KLF8: variants seen among roughly 807,000 people sequenced by gnomAD.
KLF8 encodes Krueppel-like factor 8.
Under a neutral mutation model 18.2 loss-of-function variants are expected in KLF8, and 10 were observed. That is an observed-to-expected ratio of 0.55 (90% confidence interval 0.34 to 0.93). The LOEUF is 0.93. Among genes scored for constraint, KLF8 ranks in the 40% least tolerant of loss-of-function variants. The pLI, the probability that KLF8 is intolerant of heterozygous loss-of-function variation, is 0.02. For synonymous variants in KLF8, 109 were observed against 97.3 expected (o/e 1.12, Z -0.71); for missense variants, 264 against 277.9 (o/e 0.95, Z 0.36).
the KLF8 span, among the ~76,000 whole-genome samples, chrX:56,090,600 C>T: frequency 9.0e-6 from 1 of 111,384 alleles, no homozygotes; most frequent in African/African-American, 3.3e-5. Context: ...TACCTGTTGG[C>T]CATAGTATGT....
chrX:56,119,860 T>C, the KLF8 span, among the ~76,000 whole-genome samples: 7 of 108,156 alleles, frequency 6.5e-5, no homozygotes, highest in African/African-American at 2.4e-4. Flanking sequence ...AGTTTAGGTC[T>C]GGATCTGCAT....
At chrX:56,053,993 A>G in the KLF8 span, among the ~76,000 whole-genome samples, 1 of 110,132 alleles carries the variant, frequency 9.1e-6, no homozygotes, top group Non-Finnish European at 1.9e-5. Context: ...TCATATCTCT[A>G]TCTTCTTTTC....
chrX:56,119,470 C>G, the KLF8 span, among the ~76,000 whole-genome samples: 1 of 110,890 alleles, frequency 9.0e-6, no homozygotes, highest in East Asian at 2.9e-4. Flanking sequence ...GTGGCGTGAT[C>G]TTGGCTCATT....
chrX:55,968,836 G>T, the KLF8 span, among the ~76,000 whole-genome samples: 1 of 111,607 alleles, frequency 9.0e-6, no homozygotes, highest in Non-Finnish European at 1.9e-5. Flanking sequence ...TCTTTATTAG[G>T]AGCATGAAAA....
At chrX:56,191,173 A>C in the KLF8 span, among the ~76,000 whole-genome samples, 5 of 111,880 alleles carry the variant, frequency 4.5e-5, no homozygotes, top group East Asian at 1.4e-3. Context: ...AGTGGCTACT[A>C]TGGGCAACTA....
chrX:56,191,717 A>G, the KLF8 span, among the ~76,000 whole-genome samples: 4 of 111,764 alleles, frequency 3.6e-5, no homozygotes, highest in East Asian at 8.4e-4. Flanking sequence ...TCTTGTATTG[A>G]AATGATCATT....
At chrX:55,965,423 A>G in the KLF8 span, among the ~76,000 whole-genome samples, 1 of 111,895 alleles carries the variant, frequency 8.9e-6, no homozygotes, top group South Asian at 3.8e-4. Context: ...CCCACAGCCA[A>G]CATCATACTG....
the KLF8 span, among the ~76,000 whole-genome samples, chrX:56,067,494 A>G: frequency 1.8e-5 from 2 of 111,126 alleles, no homozygotes; most frequent in Admixed American, 9.5e-5. Context: ...AAGAAAGGAA[A>G]CAAAAGGGCT....
chrX:55,938,168 G>C, the KLF8 span, among the ~76,000 whole-genome samples: 4 of 112,008 alleles, frequency 3.6e-5, no homozygotes, highest in Non-Finnish European at 7.5e-5. Flanking sequence ...AGACTAACAG[G>C]TGATCTCTCG....
chrX:56,066,734 G>A, the KLF8 span, among the ~76,000 whole-genome samples: 1 of 111,158 alleles, frequency 9.0e-6, no homozygotes. Context: ...TACAAAAACT[G>A]TTGAGACCTA....
chrX:56,061,755 G>A, the KLF8 span, among the ~76,000 whole-genome samples: 1 of 110,736 alleles, frequency 9.0e-6, no homozygotes, highest in Non-Finnish European at 1.9e-5. Flanking sequence ...AATATTGATA[G>A]TGGGGTGTTA....
the KLF8 span, among the ~76,000 whole-genome samples, chrX:56,057,780 G>T: frequency 9.0e-6 from 1 of 110,781 alleles, no homozygotes; most frequent in African/African-American, 3.3e-5. Flanking sequence ...AGTCAAGCCT[G>T]GGGGAATGGC....
At chrX:56,159,064 A>G in the KLF8 span, among the ~76,000 whole-genome samples, 1 of 112,045 alleles carries the variant, frequency 8.9e-6, no homozygotes, top group African/African-American at 3.2e-5. Context: ...ATGTGCCATC[A>G]ATACCTAATT....
At chrX:56,114,076 C>T in the KLF8 span, among the ~76,000 whole-genome samples, 1 of 111,948 alleles carries the variant, frequency 8.9e-6, no homozygotes, top group African/African-American at 3.2e-5. Flanking sequence ...CTAAAATTCC[C>T]GCAAGGAGGC....
At chrX:55,931,102 G>T in the KLF8 span, among the ~76,000 whole-genome samples, 2 of 111,639 alleles carry the variant, frequency 1.8e-5, no homozygotes, top group African/African-American at 6.5e-5. Context: ...CTTCTTCCTT[G>T]TTTGGTCTTG....
At chrX:56,013,409 T>G in the KLF8 span, among the ~76,000 whole-genome samples, 1 of 111,520 alleles carries the variant, frequency 9.0e-6, no homozygotes, top group East Asian at 2.8e-4. Flanking sequence ...GACTTGGAAT[T>G]TTGGGTTAAT....
chrX:56,218,634 A>G, the KLF8 span, among the ~76,000 whole-genome samples: 33 of 112,264 alleles, frequency 2.9e-4, no homozygotes, highest in Non-Finnish European at 3.2e-4. Context: ...TGATACATAC[A>G]ATTGCTATCT....
the KLF8 span, among the ~76,000 whole-genome samples, chrX:55,986,305 T>C: frequency 8.9e-6 from 1 of 112,193 alleles, no homozygotes; most frequent in Non-Finnish European, 1.9e-5. Context: ...ATTTGAGATA[T>C]GTTCTTTCAA....
At chrX:55,989,814 C>T in the KLF8 span, among the ~76,000 whole-genome samples, 1 of 111,577 alleles carries the variant, frequency 9.0e-6, no homozygotes, top group Admixed American at 9.5e-5. Context: ...TAGAATTCGG[C>T]TGTGAATCCA....
Sources: allele counts gnomAD v4.1 joint callset (sites outside exome capture counted in the v4.1 genomes callset), GRCh38; gene constraint gnomAD v4.1.1; transcripts MANE v1.5; gene names NCBI Gene and HGNC (gene_info 2026-07-23, HGNC 2026-07-21).